STK32C: variants seen among roughly 807,000 people sequenced by gnomAD.
STK32C encodes the protein serine/threonine-protein kinase 32C.
In STK32C, 31 loss-of-function variants were observed where a neutral mutation model predicts 56.5. The observed-to-expected ratio is 0.55, with a 90% confidence interval of 0.41 to 0.74. The LOEUF (loss-of-function observed/expected upper bound fraction) is 0.74. Among genes scored for constraint, STK32C ranks in the 30% least tolerant of loss-of-function variants. The pLI, the probability that STK32C is intolerant of heterozygous loss-of-function variation, is 0.00. For missense variants in STK32C, 544 were observed against 676.9 expected (o/e 0.80, Z 2.18); for synonymous variants, 309 against 289.4 (o/e 1.07, Z -0.69).
rs558210782 is a variant in STK32C, at chr10:132,303,603, G to A, written c.262+3969C>T. ...CACAGGACACATGCCGCTAACAAGC[G>A]CGGGCAGGCAATTCAAAAAGTGTGG... On this transcript the variant is annotated intron_variant, in intron 1 of 11. Coordinates refer to ENST00000298630, the MANE Select transcript of STK32C (RefSeq NM_173575.4). 5.9e-5 allele frequency among the ~76,000 whole-genome samples: 9 copies of A among 152,348 alleles called. No homozygotes were observed. The South Asian group carries it at 1.2e-3, about 21-fold the overall frequency.
At chr10:132,315,584 C>T (rs535246796) in intron 1 of STK32C, among the ~76,000 whole-genome samples, 110 of 152,204 alleles carry the variant, frequency 7.2e-4, no homozygotes, top group African/African-American at 2.3e-3. Context: ...ACTTGACAAC[C>T]GGAGAGAAAA....
intron 1 of STK32C, among the ~76,000 whole-genome samples, chr10:132,260,632 G>A (rs2064271668): frequency 6.6e-6 from 1 of 152,220 alleles, no homozygotes; most frequent in Non-Finnish European, 1.5e-5. Context: ...GCAAGCAGGG[G>A]CCAGCAGATA....
chr10:132,242,554 G>A (rs950961058), intron 2 of STK32C, among the ~76,000 whole-genome samples: 3 of 152,012 alleles, frequency 2.0e-5, no homozygotes, highest in Admixed American at 6.5e-5. Flanking sequence ...AGAGGGGCCA[G>A]GATCCACCCC....
At chr10:132,283,231 C>T (rs988726752) in intron 1 of STK32C, among the ~76,000 whole-genome samples, 1 of 152,254 alleles carries the variant, frequency 6.6e-6, no homozygotes, top group African/African-American at 2.4e-5. Flanking sequence ...TGAAGACACC[C>T]CAGCAAAACG....
intron 1 of STK32C, among the ~76,000 whole-genome samples, chr10:132,274,561 C>T (rs2064939796): frequency 6.6e-6 from 1 of 152,242 alleles, no homozygotes; most frequent in Non-Finnish European, 1.5e-5. Flanking sequence ...CTGACATTCA[C>T]CTGAGGCTTG....
At chr10:132,315,121 C>T (rs991151757) in intron 1 of STK32C, among the ~76,000 whole-genome samples, 13 of 151,894 alleles carry the variant, frequency 8.6e-5, no homozygotes, top group East Asian at 1.9e-4. Context: ...GCAACAAGAG[C>T]GAAATTCCAT....
intron 2 of STK32C, among the ~76,000 whole-genome samples, chr10:132,229,760 G>A (rs7916216): frequency 0.27 from 41,730 of 152,170 alleles, 6,770 homozygotes; most frequent in Admixed American, 0.41. Flanking sequence ...CCTCCCTCCC[G>A]CAAGGGGCCA....
At chr10:132,272,635 T>A (rs964962243) in intron 1 of STK32C, among the ~76,000 whole-genome samples, 1 of 152,176 alleles carries the variant, frequency 6.6e-6, no homozygotes, top group Non-Finnish European at 1.5e-5. Context: ...TTGCCCCTCC[T>A]CTGCTTCTGG....
chr10:132,226,723 G>A (rs974208459), intron 4 of STK32C, 72 bp downstream of exon 4: 64 of 1,556,562 alleles, frequency 4.1e-5, no homozygotes, highest in Middle Eastern at 1.7e-4. Context: ...CCGCCGTGCC[G>A]GCAGCCTGAC....
Position 132,307,475 on chromosome 10 carries a change from C to G in STK32C, c.262+97G>C. 7.5e-7 allele frequency: 1 copy of G among 1,341,356 alleles called. No individual in the cohort carries two copies. The highest frequency in any genetic ancestry group is 9.7e-7 in the Non-Finnish European group (1 of 1,026,532). The allele number at this position is 1,341,356 out of a possible 1,614,324, so 83.1% of individuals were successfully genotyped here. A position where few individuals can be genotyped will look rare whatever the true frequency, so the allele number is the denominator to read the frequency against. ...GCCGGGGCGCCCCGGGAAGCCGTCC[C>G]GGACACCGGGGGAACCCCTGCGGGA... On this transcript the variant is annotated intron_variant, in intron 1 of 11. Coordinates refer to ENST00000298630, the MANE Select transcript of STK32C (RefSeq NM_173575.4). This position sits in a 1 kb window ranked among gnomAD's most constrained non-coding sequence, Gnocchi z 4.4.
rs1236590748 is a variant in STK32C, at chr10:132,249,039, C to G, written c.263-3084G>C. ...CCTGCGCCCTGCACACCTGCAAAGC[C>G]TCCCGACTGTGCGACGGAGGCGGCG... On this transcript the variant is annotated intron_variant, in intron 1 of 11. Transcript: ENST00000298630. 2 of 473,994 alleles carry G rather than the reference C, an allele frequency of 4.2e-6. 1 individual carries two copies. Among genetic ancestry groups the G allele is most frequent in the South Asian group, 3.1e-5 (2 of 63,622 alleles). 29.4% of individuals were successfully genotyped at this position (473,994 alleles called of 1,614,324 possible). A position where few individuals can be genotyped will look rare whatever the true frequency, so the allele number is the denominator to read the frequency against.
intron 1 of STK32C, among the ~76,000 whole-genome samples, chr10:132,305,045 A>ATT: frequency 6.6e-6 from 1 of 152,308 alleles, no homozygotes; most frequent in Non-Finnish European, 1.5e-5. Flanking sequence ...GACAGAGAGG[A>ATT]ATGAAGGGGC....
chr10:132,264,240 C>T (rs975432584), intron 1 of STK32C, among the ~76,000 whole-genome samples: 4 of 152,206 alleles, frequency 2.6e-5, no homozygotes, highest in Non-Finnish European at 4.4e-5. Context: ...ATTTTGTGTG[C>T]TATGAATTTC....
In STK32C at chr10:132,307,577, T is replaced by C; in HGVS notation, c.257A>G (p.Glu86Gly). 1 of 1,531,608 alleles carries C rather than the reference T, an allele frequency of 6.5e-7. No individual in the cohort carries two copies. The highest frequency in any genetic ancestry group is 8.8e-7 in the Non-Finnish European group (1 of 1,139,328). 94.9% of individuals were successfully genotyped at this position (1,531,608 alleles called of 1,614,324 possible). A position where few individuals can be genotyped will look rare whatever the true frequency, so the allele number is the denominator to read the frequency against. Residue 86 changes from glutamate to glycine, a missense_variant, in exon 1 of 12, where the codon GAG becomes GGG. By Grantham distance (98) the Glu-to-Gly change is moderately conservative. Coordinates refer to ENST00000298630, the MANE Select transcript of STK32C (RefSeq NM_173575.4). This position sits in a 1 kb window ranked among gnomAD's most constrained non-coding sequence, Gnocchi z 4.4. ...GTCCCCGTGCCCGCACTCACCGTCCTCCTTGTCGTCAAACACCGGCCTCCG... is the reference window on the plus strand; with the variant it reads ...GTCCCCGTGCCCGCACTCACCGTCCCCCTTGTCGTCAAACACCGGCCTCCG... ...TARRPVFDDK[E>G]DVNFDHFQIL... is the part of the protein sequence containing the mutation.
intron 1 of STK32C, among the ~76,000 whole-genome samples, chr10:132,318,657 A>G (rs1007747154): frequency 6.6e-6 from 1 of 152,084 alleles, no homozygotes. Flanking sequence ...AAGAAAAAAC[A>G]TTTCACCAAA....
At chr10:132,322,524 TCTC>T (rs1236711128), downstream of STK32C, among the ~76,000 whole-genome samples, 1 of 152,260 alleles carries the variant, frequency 6.6e-6, no homozygotes, top group Non-Finnish European at 1.5e-5. Flanking sequence ...ACTGACATTT[TCTC>T]CTAAGGATGT....
chr10:132,258,425 C>G (rs985979481), intron 1 of STK32C, among the ~76,000 whole-genome samples: 7 of 152,274 alleles, frequency 4.6e-5, no homozygotes, highest in African/African-American at 7.2e-5. Context: ...CATCACCCCC[C>G]ACGGGGCCCT....
intron 2 of STK32C, among the ~76,000 whole-genome samples, chr10:132,239,334 C>T (rs750232745): frequency 2.0e-5 from 3 of 152,170 alleles, no homozygotes; most frequent in Admixed American, 6.5e-5. Context: ...CACCAGCAAA[C>T]GGTCCTCCCC....
At chr10:132,269,485 G>C (rs1027021311) in intron 1 of STK32C, among the ~76,000 whole-genome samples, 7 of 152,170 alleles carry the variant, frequency 4.6e-5, no homozygotes, top group African/African-American at 1.7e-4. Flanking sequence ...GGGAAAGTGT[G>C]TGGCAGCAAG....
Sources: gnomAD v4.1 joint callset for allele counts (sites outside exome capture counted in the v4.1 genomes callset) on GRCh38, gnomAD v4.1.1 for gene constraint, Gnocchi (gnomAD v3.1) non-coding constraint, MANE v1.5 for transcripts, NCBI Gene and HGNC (gene_info 2026-07-23, HGNC 2026-07-21) for gene names.